TUBB8B: variants seen among roughly 807,000 people sequenced by gnomAD.
TUBB8B encodes the protein HSA18p11 beta-tubulin 4Q pseudogene.
TUBB8B carries 26 observed loss-of-function variants against 31.9 expected under a neutral mutation model. The ratio of observed to expected loss-of-function variants is 0.81; its 90% CI spans 0.60 to 1.13. The LOEUF (loss-of-function observed/expected upper bound fraction) is 1.13, where lower values mean the gene tolerates loss of function less well. Among genes scored for constraint, TUBB8B ranks in the 50% most tolerant of loss-of-function variants. The pLI is 0.00. For missense variants in TUBB8B, 467 were observed against 586.7 expected (o/e 0.80, Z 2.11); for synonymous variants, 173 against 231.0 (o/e 0.75, Z 2.28).
At chr18:70,179 G>T in the TUBB8B span, among the ~76,000 whole-genome samples, 1 of 151,594 alleles carries the variant, frequency 6.6e-6, no homozygotes, top group Non-Finnish European at 1.5e-5. Flanking sequence ...AAAAATAAAA[G>T]AAAGGAGAAA....
upstream of TUBB8B, among the ~76,000 whole-genome samples, chr18:52,882 GAGAA>G (rs749790871): frequency 6.9e-3 from 1,053 of 151,822 alleles, 26 homozygotes; most frequent in Non-Finnish European, 0.011. Flanking sequence ...TAACTATAAA[GAGAA>G]AGAGTTATAA....
In TUBB8B at chr18:49,060, G is replaced by A; in HGVS notation, c.167-10C>T. 1.3e-6 allele frequency: 2 copies of A among 1,588,540 alleles called. No individual in the cohort carries two copies. Among genetic ancestry groups the A allele is most frequent in the Non-Finnish European group, 1.7e-6 (2 of 1,160,152 alleles). On this transcript the variant is annotated splice_polypyrimidine_tract_variant and intron_variant, in intron 2 of 3. Transcript: ENST00000308911. ...GGCACGTACCTGCCACCTGCGTGGG[G>A]CGGGAGGGCATGAGCGAGGGGAGGG...
the TUBB8B span, among the ~76,000 whole-genome samples, chr18:66,971 T>A: frequency 4.6e-3 from 696 of 151,872 alleles, 3 homozygotes; most frequent in Admixed American, 7.0e-3. Context: ...ATTTTCCATG[T>A]ACAAGTTATT....
In TUBB8B at chr18:47,355, C is replaced by A. The variant is rs754376694; in HGVS notation, c.*35G>T. The A allele has an allele frequency of 1.9e-5, 13 of 683,864 alleles. No homozygotes were observed. In the East Asian group the frequency reaches 3.2e-4, roughly 17 times the overall value. 42.4% of individuals were successfully genotyped at this position (683,864 alleles called of 1,614,324 possible). ...CTGTCAGAACACAGTAAAGAATCCA[C>A]ACTGCTTCCCCCCTTTACCTAGAAA... is the stretch of plus-strand genomic sequence containing the variant. On this transcript the variant is annotated 3_prime_UTR_variant, in exon 4 of 4. Transcript: ENST00000308911.
rs777303960 is a variant in TUBB8B at position 48,453 on chromosome 18, A to G, written c.278-6T>C. ...GTTTCCGGCCCCACACTGACCTGTA[A>G]GACAGCACAGCCGGTCACTCGACGG... On this transcript the variant is annotated splice_polypyrimidine_tract_variant and splice_region_variant and intron_variant, in intron 3 of 3. Coordinates refer to ENST00000308911, the MANE Select transcript of TUBB8B (RefSeq NM_001358689.2). The G allele has an allele frequency of 1.3e-6, 2 of 1,529,750 alleles. No individual in the cohort carries two copies. The highest frequency in any genetic ancestry group is 1.8e-6 in the Non-Finnish European group (2 of 1,106,226). The allele number at this position is 1,529,750 out of a possible 1,614,324, so 94.8% of individuals were successfully genotyped here.
At chr18:69,303 A>G in the TUBB8B span, among the ~76,000 whole-genome samples, 1 of 152,154 alleles carries the variant, frequency 6.6e-6, no homozygotes, top group Non-Finnish European at 1.5e-5. Flanking sequence ...TCTCTACAAA[A>G]AAAAACAAAA....
chr18:65,690 A>C, the TUBB8B span, among the ~76,000 whole-genome samples: 1 of 152,184 alleles, frequency 6.6e-6, no homozygotes, highest in Non-Finnish European at 1.5e-5. Context: ...CTGTATGGGA[A>C]GTTCCATCCA....
chr18:62,088 A>G, the TUBB8B span, among the ~76,000 whole-genome samples: 1 of 151,766 alleles, frequency 6.6e-6, no homozygotes, highest in Non-Finnish European at 1.5e-5. Flanking sequence ...TCAAGTTTAA[A>G]GGACTTTTTG....
the TUBB8B span, among the ~76,000 whole-genome samples, chr18:57,467 G>A: frequency 5.2e-3 from 792 of 151,900 alleles, 13 homozygotes; most frequent in African/African-American, 0.018. Flanking sequence ...TTGACTCTAC[G>A]TCCCATTTCC....
chr18:68,151 G>T, the TUBB8B span, among the ~76,000 whole-genome samples: 1 of 152,176 alleles, frequency 6.6e-6, no homozygotes, highest in South Asian at 2.1e-4. Context: ...TATTGCCATG[G>T]TATTACTGTG....
At chr18:52,191 C>T (rs929216421), upstream of TUBB8B, among the ~76,000 whole-genome samples, 4 of 151,944 alleles carry the variant, frequency 2.6e-5, no homozygotes, top group Non-Finnish European at 4.4e-5. Context: ...AGCAATAGCT[C>T]TAAGACATCA....
chr18:70,063 C>T, the TUBB8B span, among the ~76,000 whole-genome samples: 11 of 151,736 alleles, frequency 7.2e-5, no homozygotes, highest in Non-Finnish European at 1.0e-4. Flanking sequence ...AGGCTGAGGA[C>T]GAATTGCTTG....
chr18:52,317 T>G (rs915665518), upstream of TUBB8B, among the ~76,000 whole-genome samples: 13 of 151,302 alleles, frequency 8.6e-5, no homozygotes, highest in Admixed American at 3.9e-4. Flanking sequence ...AAGGCAACAA[T>G]ATGCAGAGCA....
intron 3 of TUBB8B, 110 bp downstream of exon 3, chr18:48,830 G>A (rs1444502005): frequency 3.7e-6 from 3 of 817,472 alleles, no homozygotes; most frequent in Non-Finnish European, 6.4e-6. Flanking sequence ...CGGATAGGAG[G>A]GTGTTCAGGG....
the TUBB8B span, among the ~76,000 whole-genome samples, chr18:63,209 G>T: frequency 1.3e-5 from 2 of 151,574 alleles, no homozygotes; most frequent in African/African-American, 4.8e-5. Flanking sequence ...TCCATATCTG[G>T]GCATTGAAGA....
In TUBB8B at chr18:49,296, G is replaced by C. The variant is rs1332224643; in HGVS notation, c.58-59C>G. 10 of 1,460,088 alleles carry C rather than the reference G, an allele frequency of 6.8e-6. No homozygotes were observed. The East Asian group carries it at 2.5e-4, about 37-fold the overall frequency. 90.4% of individuals were successfully genotyped at this position (1,460,088 alleles called of 1,614,324 possible). A position where few individuals can be genotyped will look rare whatever the true frequency, so the allele number is the denominator to read the frequency against. ...GCTGAGTCACGGAGGCGCCCCAGCCGCTCTCCCACCCCCACCCGCACCCCC... is the reference window on the plus strand; with the variant it reads ...GCTGAGTCACGGAGGCGCCCCAGCCCCTCTCCCACCCCCACCCGCACCCCC... On this transcript the variant is annotated intron_variant, in intron 1 of 3. Transcript: ENST00000308911.
the TUBB8B span, among the ~76,000 whole-genome samples, chr18:72,980 A>C: frequency 2.0e-5 from 3 of 152,144 alleles, no homozygotes; most frequent in African/African-American, 7.2e-5. Flanking sequence ...GAAACAAAAC[A>C]AAACAAAAAA....
At position 49,609 on chromosome 18, in the gene TUBB8B, G is replaced by T; in HGVS notation, c.-52C>A. ...AGAAGCGCGAGAAGGAGGAGCAGAC[G>T]CGCAGCGACCCAGCCCGCCCTCCGC... On this transcript the variant is annotated 5_prime_UTR_variant, in exon 1 of 4. Transcript: ENST00000308911. 1 of 765,578 alleles carries T rather than the reference G, an allele frequency of 1.3e-6. No individual in the cohort carries two copies. Among genetic ancestry groups the T allele is most frequent in the Non-Finnish European group, 2.3e-6 (1 of 440,410 alleles). The allele number at this position is 765,578 out of a possible 1,614,324, so 47.4% of individuals were successfully genotyped here. A position where few individuals can be genotyped will look rare whatever the true frequency, so the allele number is the denominator to read the frequency against.
At chr18:49,691 T>A, upstream of TUBB8B, 1 of 702,612 alleles carries the variant, frequency 1.4e-6, no homozygotes, top group South Asian at 1.5e-5. Context: ...GCTCCCAGAA[T>A]AAGCAACAGC....
Sources: gnomAD v4.1 joint callset for allele counts (sites outside exome capture counted in the v4.1 genomes callset) on GRCh38, gnomAD v4.1.1 for gene constraint, MANE v1.5 for transcripts, NCBI Gene and HGNC (gene_info 2026-07-23, HGNC 2026-07-21) for gene names.